The following NPM2 variants were observed in gnomAD, a reference collection of about 807,000 sequenced individuals.
NPM2 encodes the protein nucleophosmin/nucleoplasmin 2.
Under a neutral mutation model 32.0 loss-of-function variants are expected in NPM2, and 25 were observed. The ratio of observed to expected loss-of-function variants is 0.78; its 90% CI spans 0.57 to 1.09. NPM2 has a LOEUF of 1.09. Ranked by LOEUF, NPM2 falls within the 50% of genes least tolerant of loss-of-function variation. The pLI is 0.00. For missense variants in NPM2, 282 were observed against 259.9 expected (o/e 1.08, Z -0.58); for synonymous variants, 111 against 94.2 (o/e 1.18, Z -1.04).
intron 7 of NPM2, 55 bp from the exon 8 acceptor site, chr8:22,034,455 T>C (rs1800551238): frequency 1.8e-5 from 28 of 1,528,866 alleles, no homozygotes; most frequent in African/African-American, 2.7e-5. Flanking sequence ...TGGGAATCTG[T>C]TCTGGCTCTG....
intron 8 of NPM2, among the ~76,000 whole-genome samples, chr8:22,036,074 A>G (rs1800610194): frequency 6.6e-6 from 1 of 152,100 alleles, no homozygotes; most frequent in South Asian, 2.1e-4. Flanking sequence ...AAAATGGTTA[A>G]TATTTTATAA....
Position 22,036,505 on chromosome 8 carries a change from A to G in NPM2, c.579A>G (p.Arg193=). 1.9e-6 allele frequency: 3 copies of G among 1,604,694 alleles called. No homozygotes were observed. The highest frequency in any genetic ancestry group is 2.6e-6 in the Non-Finnish European group (3 of 1,175,796). ...CACCCTGTTGCAGAGCCAGCGTTAG[A>G]GACAAGAGCCCTGTGAAAAAGGTGA... ...KEEEEIRASV[R]DKSPVKKAKA... Residue 193 remains arginine, a synonymous_variant, in exon 9 of 10, where the codon AGA becomes AGG. Transcript: ENST00000518119.
chr8:22,035,584 T>C (rs1203369133), intron 8 of NPM2, among the ~76,000 whole-genome samples: 1 of 152,200 alleles, frequency 6.6e-6, no homozygotes, highest in African/African-American at 2.4e-5. Context: ...AGAATATTGA[T>C]AGTTCATACA....
chr8:22,036,609 G>A lies in NPM2; in HGVS notation c.601-29G>A, dbSNP rs752921277. On this transcript the variant is annotated intron_variant, in intron 9 of 9. Coordinates refer to ENST00000518119, the MANE Select transcript of NPM2 (RefSeq NM_001286680.2). ...CTGCCTGGTATGGAGAAGGGAACGG[G>A]ACCCTGGAGCCCTGCCTTCCCTCCA... 3 of 1,553,558 alleles carry A rather than the reference G, an allele frequency of 1.9e-6. No homozygotes were observed. The South Asian group carries it at 3.6e-5, about 18-fold the overall frequency.
chr8:22,033,179 G>A lies in NPM2; in HGVS notation c.320G>A (p.Arg107Gln), dbSNP rs149706573. 183 of 1,613,982 alleles carry A rather than the reference G, an allele frequency of 1.1e-4. No homozygotes were observed. In the African/African-American group the frequency reaches 1.5e-3, roughly 13 times the overall value. Residue 107 changes from arginine to glutamine, a missense_variant, in exon 6 of 10, where the codon CGG becomes CAG. Physicochemically the swap from Arg to Gln is conservative, Grantham distance 43. Coordinates refer to ENST00000518119, the MANE Select transcript of NPM2 (RefSeq NM_001286680.2). ...TCTCCCCCAGTTACTTTCCAGCTCC[G>A]GGCTGGCTCAGGACCCGTGTTCCTC... ...QLSPPVTFQL[R>Q]AGSGPVFLSG...
chr8:22,028,962 T>G (rs1389951433), intron 5 of NPM2, among the ~76,000 whole-genome samples: 2 of 152,200 alleles, frequency 1.3e-5, no homozygotes, highest in Non-Finnish European at 2.9e-5. Flanking sequence ...TTCCTATATT[T>G]TATTAGATTA....
intron 2 of NPM2, 72 bp from the exon 3 acceptor site, chr8:22,025,144 C>T (rs1291622225): frequency 1.5e-6 from 2 of 1,309,222 alleles, no homozygotes; most frequent in East Asian, 5.0e-5. Context: ...CCGATGCCTG[C>T]TGGTCTCTGG....
intron 2 of NPM2, 103 bp from the exon 3 acceptor site, chr8:22,025,113 C>T (rs1473980924): frequency 2.1e-6 from 2 of 946,340 alleles, no homozygotes; most frequent in Non-Finnish European, 3.1e-6. Context: ...CCTCCAGCCG[C>T]GAGCGACCCC....
intron 5 of NPM2, among the ~76,000 whole-genome samples, chr8:22,027,039 A>G (rs1800279402): frequency 6.6e-6 from 1 of 152,212 alleles, no homozygotes. Flanking sequence ...AATTATATGA[A>G]GATAATAATA....
intron 2 of NPM2, 40 bp from the exon 3 acceptor site, chr8:22,025,176 G>A: frequency 2.0e-6 from 3 of 1,533,870 alleles, no homozygotes; most frequent in Non-Finnish European, 2.7e-6. Context: ...CGAGGGTCAG[G>A]GTCAGGGAGC....
At chr8:22,030,351 A>C (rs1487477151) in intron 5 of NPM2, among the ~76,000 whole-genome samples, 1 of 151,482 alleles carries the variant, frequency 6.6e-6, no homozygotes, top group African/African-American at 2.4e-5. Context: ...TGATCCTCCC[A>C]CTCAGCCTCC....
intron 5 of NPM2, among the ~76,000 whole-genome samples, chr8:22,026,253 C>T (rs1800249996): frequency 6.6e-6 from 1 of 152,114 alleles, no homozygotes; most frequent in Non-Finnish European, 1.5e-5. Context: ...CCCCCACTCC[C>T]ACCCCATCCA....
Position 22,025,568 on chromosome 8 carries a change from C to G in NPM2, c.144+47C>G, listed in dbSNP as rs201578656. 3.1e-6 allele frequency: 5 copies of G among 1,613,374 alleles called. No homozygotes were observed. In the African/African-American group the frequency reaches 6.7e-5, roughly 22 times the overall value. On this transcript the variant is annotated intron_variant, in intron 4 of 9. Transcript: ENST00000518119. ...GAGGAAGATGGTGTCCGGGAACTTT[C>G]TGGTCCCAACGGAGGGCTATGGATT... is the stretch of plus-strand genomic sequence containing the variant.
chr8:22,025,683 C>T lies in NPM2; in HGVS notation c.181C>T (p.Arg61Cys), dbSNP rs1473308464. The change falls in exon 5 of 10, where the codon CGC (arginine) becomes TGC (cysteine). Residue 61 changes from arginine to cysteine, a missense_variant. Arg to Cys is a radical substitution (Grantham distance 180). Coordinates refer to ENST00000518119, the MANE Select transcript of NPM2 (RefSeq NM_001286680.2). ...LGEKAKEEMHRVEILPPANQE... is the reference protein window; with the variant it reads ...LGEKAKEEMHCVEILPPANQE... Reference sequence around the variant, plus strand: ...GGAGAAAGCCAAAGAGGAGATGCATCGCGTGGAGATCCTGCCCCCAGCAAA... The same window carrying T: ...GGAGAAAGCCAAAGAGGAGATGCATTGCGTGGAGATCCTGCCCCCAGCAAA... The T allele has an allele frequency of 1.2e-6, 2 of 1,614,012 alleles. No homozygotes were observed. The highest frequency in any genetic ancestry group is 1.7e-5 in the Admixed American group (1 of 60,000).
intron 6 of NPM2, among the ~76,000 whole-genome samples, chr8:22,033,711 C>G (rs1800518512): frequency 6.6e-6 from 1 of 152,192 alleles, no homozygotes; most frequent in Non-Finnish European, 1.5e-5. Context: ...TCCCACTTCT[C>G]TTAGGATAAG....
chr8:22,036,614 T>A, intron 9 of NPM2, 24 bp from the exon 10 acceptor site: 1 of 1,552,724 alleles, frequency 6.4e-7, no homozygotes, highest in Non-Finnish European at 8.7e-7. Context: ...AACGGGACCC[T>A]GGAGCCCTGC....
Position 22,025,647 on chromosome 8 carries a change from A to T in NPM2, c.145A>T (p.Ile49Phe). The stretch of plus-strand genomic sequence containing the variant: ...GGCCTCTATTTTCAACCCCGCTCAG[A>T]TTTGCTTGGGGGAGAAAGCCAAAGA... The part of the protein sequence containing the change: ...KQSCRLLLHT[I>F]CLGEKAKEEM... Residue 49 changes from isoleucine (I) to phenylalanine (F), a missense_variant and splice_region_variant, in exon 5 of 10, where the codon ATT becomes TTT. By Grantham distance (21) the Ile-to-Phe change is conservative. Transcript: ENST00000518119. 1 of 1,614,058 alleles carries T rather than the reference A, an allele frequency of 6.2e-7. No individual in the cohort carries two copies. Among genetic ancestry groups the T allele is most frequent in the Non-Finnish European group, 8.5e-7 (1 of 1,179,988 alleles).
chr8:22,029,821 C>T (rs1386268178), intron 5 of NPM2, among the ~76,000 whole-genome samples: 1 of 152,172 alleles, frequency 6.6e-6, no homozygotes, highest in Non-Finnish European at 1.5e-5. Flanking sequence ...TGTTGAAGTC[C>T]TCAATCTGTC....
chr8:22,036,433 T>A, intron 8 of NPM2, 60 bp from the exon 9 acceptor site: 2 of 1,554,400 alleles, frequency 1.3e-6, no homozygotes, highest in Non-Finnish European at 1.7e-6. Flanking sequence ...GCCGCTGGTC[T>A]GGAGCTGAGC....
Sources: gnomAD v4.1 joint callset for allele counts (sites outside exome capture counted in the v4.1 genomes callset) on GRCh38, gnomAD v4.1.1 for gene constraint, MANE v1.5 for transcripts, NCBI Gene and HGNC (gene_info 2026-07-23, HGNC 2026-07-21) for gene names.